The following CUL5 variants were observed in gnomAD, a reference collection of about 807,000 sequenced individuals.
CUL5 encodes the protein cullin 5, also known as cullin-5.
CUL5 carries 26 observed loss-of-function variants against 108.8 expected under a neutral mutation model. The observed-to-expected ratio is 0.24, with a 90% CI of 0.18 to 0.33. The LOEUF (loss-of-function observed/expected upper bound fraction) is 0.33. CUL5 is among the 10% of genes least tolerant of loss of function. The pLI is 1.00. For synonymous variants in CUL5, 334 were observed against 298.0 expected, an observed-to-expected ratio of 1.12 and a Z score of -1.25; for missense variants, 524 against 909.2, an observed-to-expected ratio of 0.58 and a Z score of 5.45.
intron 11 of CUL5, among the ~76,000 whole-genome samples, chr11:108,087,077 G>C (rs573741505): frequency 6.6e-6 from 1 of 151,524 alleles, no homozygotes; most frequent in South Asian, 2.1e-4. Context: ...TTTTTGTTTT[G>C]CAAATGGCTC....
In CUL5 at chr11:108,078,187, A is replaced by G; in HGVS notation, c.1125A>G (p.Ala375=). The G allele has an allele frequency of 6.4e-7, 1 of 1,565,388 alleles. No individual in the cohort carries two copies. The highest frequency in any genetic ancestry group is 8.7e-7 in the Non-Finnish European group (1 of 1,150,524). Reference sequence around the variant, plus strand: ...ATTATTTTTTGCAGGCGTATAAAGCAGTTGTTAATGATGCTACCATATTTA... The same window carrying G: ...ATTATTTTTTGCAGGCGTATAAAGCGGTTGTTAATGATGCTACCATATTTA... ...FLTARDKAYK[A]VVNDATIFKL... Residue 375 remains alanine (A), a synonymous_variant, in exon 11 of 19, where the codon GCA becomes GCG. Transcript: ENST00000393094.
chr11:108,020,287 C>T (rs967393254), intron 1 of CUL5, among the ~76,000 whole-genome samples: 32 of 152,032 alleles, frequency 2.1e-4, no homozygotes, highest in African/African-American at 7.5e-4. Context: ...CAGAAGAAGG[C>T]GTTGTTACCA....
In CUL5 at chr11:108,105,617, TA is replaced by T. The variant is rs1864780319; in HGVS notation, c.*1235del. Reference sequence around the variant, plus strand: ...TTTCAGTCTATCCAAAGTAGCAACTTAACTAGTTGCTGGCAACTGAATACCC... The same window carrying T: ...TTTCAGTCTATCCAAAGTAGCAACTTACTAGTTGCTGGCAACTGAATACCC... On this transcript the variant is annotated 3_prime_UTR_variant, in exon 19 of 19. Coordinates refer to ENST00000393094, the MANE Select transcript of CUL5 (RefSeq NM_003478.6). 6.6e-6 allele frequency: 1 copy of T among 152,146 alleles called. No homozygotes were observed. Among genetic ancestry groups the T allele is most frequent in the African/African-American group, 2.4e-5 (1 of 41,452 alleles). The allele number at this position is 152,146 out of a possible 1,614,324, so 9.4% of individuals were successfully genotyped here.
chr11:108,083,333 G>A (rs751353763), intron 11 of CUL5, among the ~76,000 whole-genome samples: 8 of 152,150 alleles, frequency 5.3e-5, no homozygotes, highest in South Asian at 2.1e-4. Flanking sequence ...AGTAGTTTCC[G>A]ATGTGTTGCT....
intron 1 of CUL5, among the ~76,000 whole-genome samples, chr11:108,024,911 C>G (rs1862419234): frequency 6.6e-6 from 1 of 152,188 alleles, no homozygotes; most frequent in Non-Finnish European, 1.5e-5. Context: ...CTGTTACCAC[C>G]CTGTCTTTCT....
intron 2 of CUL5, among the ~76,000 whole-genome samples, chr11:108,042,560 T>C (rs1235038415): frequency 6.6e-6 from 1 of 151,860 alleles, no homozygotes; most frequent in Admixed American, 6.6e-5. Flanking sequence ...TGATAAAATA[T>C]CCTCTCTCCT....
intron 2 of CUL5, among the ~76,000 whole-genome samples, chr11:108,039,370 C>T (rs1179886317): frequency 6.6e-6 from 1 of 152,154 alleles, no homozygotes; most frequent in Non-Finnish European, 1.5e-5. Context: ...TGTCTTTCTC[C>T]TCACCCTTCT....
At chr11:108,075,289 T>C (rs980947458) in intron 10 of CUL5, among the ~76,000 whole-genome samples, 2 of 152,282 alleles carry the variant, frequency 1.3e-5, no homozygotes, top group Admixed American at 1.3e-4. Context: ...TACTTGAACT[T>C]AATTCTGCAA....
chr11:108,033,746 A>T, intron 1 of CUL5, 56 bp from the exon 2 acceptor site: 1 of 1,093,996 alleles, frequency 9.1e-7, no homozygotes, highest in Non-Finnish European at 1.4e-6. Flanking sequence ...ATTACAGGAT[A>T]CTTTTTATTT....
intron 11 of CUL5, 76 bp downstream of exon 11, chr11:108,078,316 G>A: frequency 1.4e-6 from 1 of 710,268 alleles, no homozygotes; most frequent in East Asian, 2.9e-5. Flanking sequence ...GGTATACAAA[G>A]TACCCTGTTA....
At chr11:108,061,404 A>T (rs571266515) in intron 7 of CUL5, among the ~76,000 whole-genome samples, 1 of 152,238 alleles carries the variant, frequency 6.6e-6, no homozygotes, top group East Asian at 1.9e-4. Context: ...AGGTAAAATA[A>T]TTTTCTGGAG....
intron 1 of CUL5, among the ~76,000 whole-genome samples, chr11:108,021,539 C>G (rs1862326649): frequency 2.0e-5 from 3 of 152,160 alleles, no homozygotes; most frequent in African/African-American, 4.8e-5. Context: ...GACTGGAGTG[C>G]AGTGGGATTA....
intron 4 of CUL5, among the ~76,000 whole-genome samples, chr11:108,050,790 T>C (rs1385657707): frequency 3.9e-5 from 6 of 152,240 alleles, no homozygotes; most frequent in Non-Finnish European, 7.3e-5. Flanking sequence ...ATTTCCCTTT[T>C]ACTTAACTCT....
At chr11:108,067,245 A>G (rs1863707009) in intron 7 of CUL5, among the ~76,000 whole-genome samples, 1 of 152,236 alleles carries the variant, frequency 6.6e-6, no homozygotes, top group East Asian at 1.9e-4. Flanking sequence ...ATTAAAGGAT[A>G]CCTGTTATAA....
chr11:108,010,049 G>C (rs1450591704), intron 1 of CUL5, among the ~76,000 whole-genome samples: 1 of 152,262 alleles, frequency 6.6e-6, no homozygotes, highest in Non-Finnish European at 1.5e-5. Context: ...GTCAAAGACA[G>C]TATTTAAAGT....
rs571013729 is a variant in CUL5, at chr11:108,026,772, C to T, written c.25-7030C>T. Among the ~76,000 whole-genome samples, 6 of 152,092 alleles carry T rather than the reference C, an allele frequency of 3.9e-5. No homozygotes were observed. The South Asian group carries it at 1.0e-3, about 26-fold the overall frequency. ...TTGGGAGGCTGAGGTGGGCGGATCA[C>T]GAGGTCAGGAGTTCGAGACCACCCT... On this transcript the variant is annotated intron_variant, in intron 1 of 18. Transcript: ENST00000393094.
intron 13 of CUL5, among the ~76,000 whole-genome samples, chr11:108,092,801 A>ATTTTAT (rs1244673487): frequency 6.6e-6 from 1 of 151,944 alleles, no homozygotes; most frequent in Non-Finnish European, 1.5e-5. Flanking sequence ...TACACTGTAT[A>ATTTTAT]TTTTATTTTT....
chr11:108,012,523 CTTTT>C (rs34312194), intron 1 of CUL5, among the ~76,000 whole-genome samples: 1 of 134,074 alleles, frequency 7.5e-6, no homozygotes, highest in Non-Finnish European at 1.5e-5. Context: ...TCCCCTCTTA[CTTTT>C]TTTTTTTTTT....
At chr11:108,030,697 A>G (rs1018553460) in intron 1 of CUL5, among the ~76,000 whole-genome samples, 1 of 152,210 alleles carries the variant, frequency 6.6e-6, no homozygotes, top group Admixed American at 6.5e-5. Context: ...GCAAGACAGT[A>G]TATTAACTTT....
Sources: gnomAD v4.1 joint callset for allele counts (sites outside exome capture counted in the v4.1 genomes callset) on GRCh38, gnomAD v4.1.1 for gene constraint, MANE v1.5 for transcripts, NCBI Gene and HGNC (gene_info 2026-07-23, HGNC 2026-07-21) for gene names.